CTNNA3: variants seen among roughly 807,000 people sequenced by gnomAD.
The protein encoded by CTNNA3 is catenin alpha 3.
A neutral mutation model predicts 95.7 loss-of-function variants in CTNNA3; 76 were observed. The ratio of observed to expected loss-of-function variants is 0.79; its 90% confidence interval spans 0.66 to 0.96. CTNNA3 has a LOEUF of 0.96. Among genes scored for constraint, CTNNA3 ranks in the 40% least tolerant of loss-of-function variants. CTNNA3 has a pLI of 0.00. For synonymous variants in CTNNA3, 431 were observed against 374.4 expected, an observed-to-expected ratio of 1.15 and a Z score of -1.74; for missense variants, 1,191 against 1,089.8, an observed-to-expected ratio of 1.09 and a Z score of -1.31.
rs143500534 is a variant in CTNNA3, at chr10:66,209,487, A to G, written c.1884+70983T>C. Among the ~76,000 whole-genome samples the G allele has an allele frequency of 3.3e-5, 5 of 152,302 alleles. No homozygotes were observed. In the East Asian group the frequency reaches 9.7e-4, roughly 29 times the overall value. ...AGGTGAGAGAGAGGTCATGTCATGC[A>G]TACATCTGGAGTATGGAAAGAGAAA... On this transcript the variant is annotated intron_variant, in intron 13 of 17. Coordinates refer to ENST00000433211, the MANE Select transcript of CTNNA3 (RefSeq NM_013266.4).
chr10:67,637,885 A>G (rs1839378553), intron 2 of CTNNA3, among the ~76,000 whole-genome samples: 1 of 152,214 alleles, frequency 6.6e-6, no homozygotes, highest in African/African-American at 2.4e-5. Context: ...GGAAGGAACA[A>G]CTGGTACCAG....
intron 1 of CTNNA3, among the ~76,000 whole-genome samples, chr10:67,755,811 AAAAAAAAAAAAG>A (rs1295496632): frequency 2.0e-5 from 3 of 151,024 alleles, no homozygotes; most frequent in African/African-American, 7.3e-5. Context: ...TCAAAAAAAA[AAAAAAAAAAAAG>A]AAAGAAAGAA....
chr10:67,209,782 A>G (rs1028443265), intron 6 of CTNNA3, among the ~76,000 whole-genome samples: 1 of 150,386 alleles, frequency 6.6e-6, no homozygotes, highest in Non-Finnish European at 1.5e-5. Flanking sequence ...TAAGGCAAAG[A>G]AAAAAAAACT....
intron 9 of CTNNA3, among the ~76,000 whole-genome samples, chr10:66,664,348 C>T (rs1371154518): frequency 6.6e-6 from 1 of 152,042 alleles, no homozygotes; most frequent in African/African-American, 2.4e-5. Flanking sequence ...TTGAGCACAG[C>T]TTGAAGACCC....
intron 15 of CTNNA3, among the ~76,000 whole-genome samples, chr10:66,029,599 A>G (rs2079411017): frequency 6.6e-6 from 1 of 152,150 alleles, no homozygotes; most frequent in Non-Finnish European, 1.5e-5. Context: ...ACCCTGCTTT[A>G]TGTTTTCATT....
chr10:67,661,836 C>G (rs1840199846), intron 1 of CTNNA3, among the ~76,000 whole-genome samples: 3 of 152,130 alleles, frequency 2.0e-5, no homozygotes. Context: ...AAAATATGTA[C>G]TCCTCCACAC....
intron 9 of CTNNA3, among the ~76,000 whole-genome samples, chr10:66,690,046 T>C (rs1012769620): frequency 2.0e-5 from 3 of 152,122 alleles, no homozygotes; most frequent in African/African-American, 7.2e-5. Context: ...TGATGAGTAT[T>C]AGGCCCAGAG....
rs1022782510 is a variant in CTNNA3, at chr10:66,225,744, AT to A, written c.1884+54725del. Among the ~76,000 whole-genome samples the A allele has an allele frequency of 5.4e-4, 82 of 150,894 alleles. 1 individual carries two copies. Among genetic ancestry groups the A allele is most frequent in the Middle Eastern group, 6.9e-3 (2 of 290 alleles). ...CTCCACATCCTCACCAACATTTCTG[AT>A]TTTTTTTTAATAACAGCCATTCTAA... is the stretch of plus-strand genomic sequence containing the variant. On this transcript the variant is annotated intron_variant, in intron 13 of 17. Coordinates refer to ENST00000433211, the MANE Select transcript of CTNNA3 (RefSeq NM_013266.4).
At chr10:66,852,740 A>T (rs1432045610) in intron 7 of CTNNA3, among the ~76,000 whole-genome samples, 1 of 152,184 alleles carries the variant, frequency 6.6e-6, no homozygotes, top group Non-Finnish European at 1.5e-5. Flanking sequence ...ACTGTAAAAC[A>T]TAAGTTTACA....
intron 9 of CTNNA3, among the ~76,000 whole-genome samples, chr10:66,658,827 G>C (rs1284687656): frequency 6.6e-6 from 1 of 152,074 alleles, no homozygotes; most frequent in East Asian, 1.9e-4. Context: ...CTGAGTAGCT[G>C]GGACTACAGG....
At chr10:66,739,687 G>C in intron 9 of CTNNA3, among the ~76,000 whole-genome samples, 1 of 152,092 alleles carries the variant, frequency 6.6e-6, no homozygotes, top group East Asian at 1.9e-4. Context: ...ACATTGTTAA[G>C]ACTAATTTGT....
rs551979544 is a variant in CTNNA3 at position 66,205,210 on chromosome 10, T to C, written c.1884+75260A>G. Among the ~76,000 whole-genome samples the C allele has an allele frequency of 9.3e-4, 141 of 152,182 alleles. 1 individual carries two copies. Among genetic ancestry groups the C allele is most frequent in the South Asian group, 3.7e-3 (18 of 4,832 alleles). ...TTAATTTCTATAGTACAGTAAGTCC[T>C]TATTTAAATTCTTCCATAGTTCTTG... On this transcript the variant is annotated intron_variant, in intron 13 of 17. Transcript: ENST00000433211.
chr10:66,614,858 G>A (rs1298437400), intron 10 of CTNNA3, among the ~76,000 whole-genome samples: 1 of 151,980 alleles, frequency 6.6e-6, no homozygotes, highest in Non-Finnish European at 1.5e-5. Flanking sequence ...AAGTACTTAG[G>A]AGGGTTTGCC....
At chr10:66,367,877 AATAATTATTATTATT>A (rs1437036050) in intron 12 of CTNNA3, among the ~76,000 whole-genome samples, 11,837 of 45,042 alleles carry the variant, frequency 0.26, 672 homozygotes, top group Non-Finnish European at 0.3. Context: ...TAATAATAAT[AATAATTATTATTATT>A]ATTATTATTA....
At chr10:67,488,622 C>T (rs188852346) in intron 5 of CTNNA3, among the ~76,000 whole-genome samples, 3 of 151,618 alleles carry the variant, frequency 2.0e-5, no homozygotes, top group East Asian at 1.9e-4. Flanking sequence ...CCACCCACCT[C>T]GGCCTCCCAA....
chr10:66,003,399 A>G (rs1482207758), intron 15 of CTNNA3, among the ~76,000 whole-genome samples: 1 of 152,006 alleles, frequency 6.6e-6, no homozygotes, highest in East Asian at 1.9e-4. Flanking sequence ...ACTTTTCTAA[A>G]GAAATCCTAG....
intron 7 of CTNNA3, among the ~76,000 whole-genome samples, chr10:67,175,815 T>G (rs1862214339): frequency 6.6e-6 from 1 of 152,170 alleles, no homozygotes; most frequent in Non-Finnish European, 1.5e-5. Flanking sequence ...ATCTTAGAAC[T>G]CAAACATGAT....
At chr10:66,413,033 G>C (rs1334401814) in intron 11 of CTNNA3, among the ~76,000 whole-genome samples, 4 of 152,114 alleles carry the variant, frequency 2.6e-5, no homozygotes, top group African/African-American at 9.7e-5. Flanking sequence ...AACATGTTGA[G>C]GAAATGCTAA....
At chr10:66,429,050 A>C (rs1402083441) in intron 11 of CTNNA3, among the ~76,000 whole-genome samples, 1 of 152,130 alleles carries the variant, frequency 6.6e-6, no homozygotes, top group Non-Finnish European at 1.5e-5. Context: ...AAATAGATGC[A>C]ATAAAAAATG....
Sources: gnomAD v4.1 joint callset for allele counts (sites outside exome capture counted in the v4.1 genomes callset) on GRCh38, gnomAD v4.1.1 for gene constraint, MANE v1.5 for transcripts, NCBI Gene and HGNC (gene_info 2026-07-23, HGNC 2026-07-21) for gene names.